Variants in DENND10 observed in about 807,000 individuals in gnomAD.
DENND10 encodes the protein DENN domain containing 10.
A neutral mutation model predicts 43.6 loss-of-function variants in DENND10; 24 were observed. The observed-to-expected ratio is 0.55, with a 90% confidence interval of 0.40 to 0.77. The LOEUF is 0.77. Ranked by LOEUF, DENND10 falls within the 30% of genes least tolerant of loss-of-function variation. The pLI, the probability that DENND10 is intolerant of heterozygous loss-of-function variation, is 0.00. For missense variants in DENND10, 303 were observed against 429.9 expected (o/e 0.70, Z 2.61); for synonymous variants, 125 against 157.6 (o/e 0.79, Z 1.55).
At chr10:119,109,835 CAG>C (rs1435423766) in intron 2 of DENND10, among the ~76,000 whole-genome samples, 1 of 150,390 alleles carries the variant, frequency 6.6e-6, no homozygotes, top group East Asian at 2.0e-4. Context: ...TTTTTTGAGT[CAG>C]AGTCTCATTT....
intron 6 of DENND10, among the ~76,000 whole-genome samples, chr10:119,125,945 C>G (rs556532384): frequency 1.3e-5 from 2 of 152,042 alleles, no homozygotes; most frequent in Non-Finnish European, 2.9e-5. Context: ...AAATTTTCCC[C>G]CTCTCCCCAC....
At chr10:119,130,336 T>C (rs1398922984) in intron 7 of DENND10, among the ~76,000 whole-genome samples, 2 of 152,164 alleles carry the variant, frequency 1.3e-5, no homozygotes, top group Non-Finnish European at 2.9e-5. Flanking sequence ...AATTTTGTAT[T>C]TTTAGTTAGT....
At chr10:119,119,117 G>A (rs1845440208) in intron 4 of DENND10, among the ~76,000 whole-genome samples, 1 of 151,748 alleles carries the variant, frequency 6.6e-6, no homozygotes, top group Admixed American at 6.6e-5. Context: ...GGGTTCAAGT[G>A]CCTCAGCCTC....
chr10:119,111,622 T>A (rs1844979940), intron 2 of DENND10, among the ~76,000 whole-genome samples: 2 of 152,068 alleles, frequency 1.3e-5, no homozygotes, highest in Admixed American at 6.6e-5. Context: ...TTTCTGAAAA[T>A]TTTTTCTCTA....
chr10:119,124,393 T>TAGA (rs1845732282), intron 6 of DENND10, among the ~76,000 whole-genome samples: 1 of 139,398 alleles, frequency 7.2e-6, no homozygotes. Flanking sequence ...AAAAAAAAAT[T>TAGA]AGCCGGGTGT....
At chr10:119,125,073 G>A (rs1845763831) in intron 6 of DENND10, among the ~76,000 whole-genome samples, 1 of 152,022 alleles carries the variant, frequency 6.6e-6, no homozygotes, top group African/African-American at 2.4e-5. Context: ...CTAGGTTCAA[G>A]CAATTCTCCT....
intron 3 of DENND10, among the ~76,000 whole-genome samples, chr10:119,116,448 A>G (rs546363626): frequency 6.6e-6 from 1 of 152,274 alleles, no homozygotes; most frequent in African/African-American, 2.4e-5. Context: ...GTCAAAGGAA[A>G]TCTCAGTGAT....
chr10:119,104,248 G>A (rs990123511), intron 1 of DENND10, 51 bp downstream of exon 1: 5 of 1,470,912 alleles, frequency 3.4e-6, no homozygotes, highest in South Asian at 1.3e-5. Flanking sequence ...TTCTGCCTCT[G>A]CTCCACCTCG....
intron 8 of DENND10, 58 bp from the exon 9 acceptor site, chr10:119,136,413 C>T: frequency 6.4e-7 from 1 of 1,551,930 alleles, no homozygotes; most frequent in Non-Finnish European, 8.7e-7. Context: ...ATTCTAGAGA[C>T]TAAATATTCA....
chr10:119,108,264 C>A, intron 2 of DENND10, 100 bp downstream of exon 2: 1 of 831,100 alleles, frequency 1.2e-6, no homozygotes, highest in Non-Finnish European at 2.0e-6. Flanking sequence ...GTCGGCAGAT[C>A]ACAAGGTCAA....
chr10:119,136,405 TCTAGAGA>T, intron 8 of DENND10, 59 bp from the exon 9 acceptor site: 1 of 1,538,320 alleles, frequency 6.5e-7, no homozygotes, highest in Non-Finnish European at 8.8e-7. Flanking sequence ...TAGGAAGAAT[TCTAGAGA>T]CTAAATATTC....
chr10:119,108,327 A>C (rs1844798157), intron 2 of DENND10, among the ~76,000 whole-genome samples, 163 bp downstream of exon 2: 1 of 151,888 alleles, frequency 6.6e-6, no homozygotes, highest in Non-Finnish European at 1.5e-5. Context: ...TACTAAAAAC[A>C]CAAAAATTAG....
chr10:119,129,882 G>A (rs1008125257), intron 7 of DENND10, among the ~76,000 whole-genome samples: 4 of 152,154 alleles, frequency 2.6e-5, no homozygotes, highest in African/African-American at 9.7e-5. Context: ...TTTAAACAAG[G>A]TGTATTATCT....
At chr10:119,118,954 G>T (rs982860268) in intron 4 of DENND10, among the ~76,000 whole-genome samples, 3 of 146,366 alleles carry the variant, frequency 2.0e-5, no homozygotes, top group Non-Finnish European at 4.5e-5. Flanking sequence ...AGTGATTCTC[G>T]TGCCTCAGCC....
chr10:119,117,402 G>A, intron 3 of DENND10, 117 bp from the exon 4 acceptor site: 1 of 1,028,364 alleles, frequency 9.7e-7, no homozygotes, highest in Admixed American at 2.3e-5. Flanking sequence ...GCATTCAGAA[G>A]GGCAGTAGCA....
intron 5 of DENND10, among the ~76,000 whole-genome samples, chr10:119,122,627 A>C (rs1324431963): frequency 6.6e-6 from 1 of 152,160 alleles, no homozygotes; most frequent in East Asian, 1.9e-4. Context: ...GATATTTAGC[A>C]GGGCACCAGG....
At chr10:119,114,197 T>C (rs887878306) in intron 3 of DENND10, 1 of 152,126 alleles carries the variant, frequency 6.6e-6, no homozygotes, top group African/African-American at 2.4e-5. Flanking sequence ...GCCAGCCGCC[T>C]CCTCTGCTTC....
rs142324944 is a variant in DENND10 at position 119,120,889 on chromosome 10, CAA to C, written c.593+439_593+440del. 6.4e-3 allele frequency among the ~76,000 whole-genome samples: 971 copies of C among 152,218 alleles called. 11 individuals carry two copies. The highest frequency in any genetic ancestry group is 0.02 in the African/African-American group (812 of 41,534). On this transcript the variant is annotated intron_variant, in intron 5 of 8. Coordinates refer to ENST00000361432, the MANE Select transcript of DENND10 (RefSeq NM_207009.4). ...AATTGTTCCTTCTGTTCAGTTTTAT[CAA>C]AGACTCTTTTTTTTTTCTTGTTTTA...
At chr10:119,129,358 T>C in intron 6 of DENND10, 157 bp from the exon 7 acceptor site, 4 of 607,886 alleles carry the variant, frequency 6.6e-6, no homozygotes, top group South Asian at 2.0e-5. Flanking sequence ...CAACTGATAG[T>C]AATGTAGTCT....
Sources: gnomAD v4.1 joint callset for allele counts (sites outside exome capture counted in the v4.1 genomes callset) on GRCh38, gnomAD v4.1.1 for gene constraint, MANE v1.5 for transcripts, NCBI Gene and HGNC (gene_info 2026-07-23, HGNC 2026-07-21) for gene names.